TSHZ2: variants seen among roughly 807,000 people sequenced by gnomAD.
The protein encoded by TSHZ2 is teashirt zinc finger homeobox 2.
Under a neutral mutation model 74.4 loss-of-function variants are expected in TSHZ2, and 21 were observed. The observed-to-expected ratio is 0.28, with a 90% CI of 0.20 to 0.41. The LOEUF (loss-of-function observed/expected upper bound fraction) is 0.41. Ranked by LOEUF, TSHZ2 falls within the 10% of genes least tolerant of loss-of-function variation. The pLI, the probability that TSHZ2 is intolerant of heterozygous loss-of-function variation, is 1.00. For missense variants in TSHZ2, 1,244 were observed against 1,293.5 expected (o/e 0.96, Z 0.59); for synonymous variants, 540 against 515.3 (o/e 1.05, Z -0.65).
At chr20:53,322,811 G>A (rs1979325480) in intron 2 of TSHZ2, among the ~76,000 whole-genome samples, 1 of 152,264 alleles carries the variant, frequency 6.6e-6, no homozygotes, top group East Asian at 1.9e-4. Flanking sequence ...CACGTAAAAC[G>A]CTAGCCTACA....
intron 2 of TSHZ2, among the ~76,000 whole-genome samples, chr20:53,416,692 A>G (rs764605640): frequency 1.4e-4 from 21 of 152,224 alleles, no homozygotes; most frequent in Non-Finnish European, 1.8e-4. Flanking sequence ...CAACCCCATG[A>G]TCTCCCATCA....
At chr20:53,024,901 G>C (rs750487563) in intron 1 of TSHZ2, among the ~76,000 whole-genome samples, 5 of 152,084 alleles carry the variant, frequency 3.3e-5, no homozygotes, top group Non-Finnish European at 7.4e-5. Flanking sequence ...TATCATTGAT[G>C]GGCATTTGGG....
At chr20:53,429,143 T>C (rs1983753060) in intron 2 of TSHZ2, among the ~76,000 whole-genome samples, 1 of 152,198 alleles carries the variant, frequency 6.6e-6, no homozygotes, top group Non-Finnish European at 1.5e-5. Flanking sequence ...CCGATTTGAC[T>C]TCACTGAGGT....
intron 2 of TSHZ2, among the ~76,000 whole-genome samples, chr20:53,413,729 A>T (rs1434542947): frequency 6.6e-6 from 1 of 152,244 alleles, no homozygotes; most frequent in Non-Finnish European, 1.5e-5. Context: ...CAGCCTTTCA[A>T]ACTAATGAAG....
chr20:53,306,174 C>T (rs1370232190), intron 2 of TSHZ2, among the ~76,000 whole-genome samples: 3 of 152,122 alleles, frequency 2.0e-5, no homozygotes, highest in Non-Finnish European at 4.4e-5. Context: ...ATCCTTTCTC[C>T]GTGAGCGTGG....
At chr20:53,327,729 G>C (rs1979553007) in intron 2 of TSHZ2, among the ~76,000 whole-genome samples, 2 of 152,232 alleles carry the variant, frequency 1.3e-5, no homozygotes, top group South Asian at 4.1e-4. Flanking sequence ...CAAGAGCATA[G>C]ACTCTAGTTC....
At chr20:53,373,503 A>C (rs984856842) in intron 2 of TSHZ2, among the ~76,000 whole-genome samples, 1 of 152,212 alleles carries the variant, frequency 6.6e-6, no homozygotes, top group African/African-American at 2.4e-5. Context: ...AACTGACTAG[A>C]AATGGCTTTC....
At chr20:53,049,628 C>T (rs1007324974) in intron 1 of TSHZ2, among the ~76,000 whole-genome samples, 2 of 151,986 alleles carry the variant, frequency 1.3e-5, no homozygotes, top group African/African-American at 4.8e-5. Flanking sequence ...TAGGATTCAG[C>T]TTGGGATTGT....
chr20:53,017,026 G>A (rs1332492552), intron 1 of TSHZ2, among the ~76,000 whole-genome samples: 1 of 152,146 alleles, frequency 6.6e-6, no homozygotes, highest in Non-Finnish European at 1.5e-5. Flanking sequence ...AAGAAACCCT[G>A]TTCATTACCC....
rs145125890 is a variant in TSHZ2 at position 53,214,943 on chromosome 20, T to A, written c.41-38556T>A. Among the ~76,000 whole-genome samples, 10 of 152,006 alleles carry A rather than the reference T, an allele frequency of 6.6e-5. No individual in the cohort carries two copies. In the East Asian group the frequency reaches 1.9e-3, roughly 29 times the overall value. On this transcript the variant is annotated intron_variant, in intron 1 of 2. Transcript: ENST00000371497. ...TGTGAAGGATGTGGCATTTAAAAGGTTGAGATAAGAGTTCATGGGGAGATG... is the reference window on the plus strand; with the variant it reads ...TGTGAAGGATGTGGCATTTAAAAGGATGAGATAAGAGTTCATGGGGAGATG...
At chr20:53,436,536 A>ATTTTTTTTTTTTTT (rs71194478) in intron 2 of TSHZ2, among the ~76,000 whole-genome samples, 10 of 83,558 alleles carry the variant, frequency 1.2e-4, no homozygotes, top group Non-Finnish European at 1.6e-4. Context: ...TATTATTATT[A>ATTTTTTTTTTTTTT]TTATTATTAT....
chr20:53,483,252 C>CA (rs1986205829), intron 2 of TSHZ2, among the ~76,000 whole-genome samples: 1 of 142,980 alleles, frequency 7.0e-6, no homozygotes, highest in South Asian at 2.2e-4. Flanking sequence ...CCTGTCTGTA[C>CA]AAAAAATACA....
At chr20:53,091,416 C>T (rs182541239) in intron 1 of TSHZ2, among the ~76,000 whole-genome samples, 1 of 152,288 alleles carries the variant, frequency 6.6e-6, no homozygotes, top group African/African-American at 2.4e-5. Flanking sequence ...GGGTTGCCTG[C>T]TGAGCTTCCA....
At chr20:53,474,213 A>C (rs1985921320) in intron 2 of TSHZ2, among the ~76,000 whole-genome samples, 1 of 148,358 alleles carries the variant, frequency 6.7e-6, no homozygotes, top group Non-Finnish European at 1.5e-5. Flanking sequence ...TGTCAGATTC[A>C]CCAGAGTTGA....
chr20:53,118,281 C>T (rs908619884), intron 1 of TSHZ2, among the ~76,000 whole-genome samples: 2 of 151,680 alleles, frequency 1.3e-5, no homozygotes, highest in Non-Finnish European at 2.9e-5. Flanking sequence ...TTTAGGGGAG[C>T]GGGGTGGGAA....
At chr20:52,998,819 CAT>C (rs1260097661) in intron 1 of TSHZ2, among the ~76,000 whole-genome samples, 1 of 152,152 alleles carries the variant, frequency 6.6e-6, no homozygotes, top group Non-Finnish European at 1.5e-5. Context: ...GCTCTCAGGA[CAT>C]ATAATTAGGA....
At position 53,460,503 on chromosome 20, in the gene TSHZ2, G is replaced by A. The variant is rs560884319; in HGVS notation, c.*9-26641G>A. Among the ~76,000 whole-genome samples, 302 of 152,186 alleles carry A rather than the reference G, an allele frequency of 2.0e-3. 1 individual carries two copies. The highest frequency in any genetic ancestry group is 6.3e-3 in the African/African-American group (261 of 41,520). On this transcript the variant is annotated intron_variant, in intron 2 of 2. Coordinates refer to ENST00000371497, the MANE Select transcript of TSHZ2 (RefSeq NM_173485.6). ...TTGCCTTTGGTTTGAATGTCCTCCC[G>A]TAGCTCAGAGTAATTTGATCGTCTG... is the stretch of plus-strand genomic sequence containing the variant.
At position 53,475,854 on chromosome 20, in the gene TSHZ2, A is replaced by G. The variant is rs1373515291; in HGVS notation, c.*9-11290A>G. Among the ~76,000 whole-genome samples, 4 of 134,788 alleles carry G rather than the reference A, an allele frequency of 3.0e-5. 1 individual carries two copies. Among genetic ancestry groups the G allele is most frequent in the Non-Finnish European group, 6.3e-5 (4 of 63,784 alleles). The allele number at this position is 134,788 out of a possible 152,430, so 88.4% of individuals were successfully genotyped here. On this transcript the variant is annotated intron_variant, in intron 2 of 2. Coordinates refer to ENST00000371497, the MANE Select transcript of TSHZ2 (RefSeq NM_173485.6). The stretch of plus-strand genomic sequence containing the variant: ...CACCACCGATCCCACAGAAATACAA[A>G]CTACCATCAGAGAATACTACAAACA...
In TSHZ2 at chr20:53,226,160, A is replaced by ACG. The variant is rs199676007; in HGVS notation, c.41-27339_41-27338insCG. 3.3e-3 allele frequency among the ~76,000 whole-genome samples: 443 copies of ACG among 136,054 alleles called. 2 individuals carry two copies. Among genetic ancestry groups the ACG allele is most frequent in the African/African-American group, 0.011 (421 of 36,886 alleles). 89.3% of individuals were successfully genotyped at this position (136,054 alleles called of 152,430 possible). A position where few individuals can be genotyped will look rare whatever the true frequency, so the allele number is the denominator to read the frequency against. ...CACACACACACACACACACACACAC[A>ACG]TGCACACAAACACAATGCTAACTCA... On this transcript the variant is annotated intron_variant, in intron 1 of 2. Coordinates refer to ENST00000371497, the MANE Select transcript of TSHZ2 (RefSeq NM_173485.6).
Sources: gnomAD v4.1 joint callset for allele counts (sites outside exome capture counted in the v4.1 genomes callset) on GRCh38, gnomAD v4.1.1 for gene constraint, MANE v1.5 for transcripts, NCBI Gene and HGNC (gene_info 2026-07-23, HGNC 2026-07-21) for gene names.